ANK3: variants seen among roughly 807,000 people sequenced by gnomAD.
The protein encoded by ANK3 is ankyrin-3.
ANK3 carries 57 observed loss-of-function variants against 370.9 expected under a neutral mutation model. That is an observed-to-expected ratio of 0.15 (90% CI 0.12 to 0.19). The LOEUF is 0.19. Ranked by LOEUF, ANK3 falls within the 10% of genes least tolerant of loss-of-function variation. The pLI is 1.00. For synonymous variants in ANK3, 1,929 were observed against 1,946.3 expected, an observed-to-expected ratio of 0.99 and a Z score of 0.23; for missense variants, 4,439 against 5,302.1, an observed-to-expected ratio of 0.84 and a Z score of 5.06.
chr10:60,341,701 A>G (rs1212276400), intron 1 of ANK3, among the ~76,000 whole-genome samples: 1 of 152,152 alleles, frequency 6.6e-6, no homozygotes, highest in African/African-American at 2.4e-5. Flanking sequence ...TGTGTTTGGC[A>G]TAGTGCTTTA....
At chr10:60,368,515 A>G (rs2059697190) in intron 1 of ANK3, among the ~76,000 whole-genome samples, 1 of 152,194 alleles carries the variant, frequency 6.6e-6, no homozygotes, top group Admixed American at 6.5e-5. Flanking sequence ...TGTATTGATC[A>G]TCTACGCCCT....
chr10:60,349,659 C>T (rs900539012), intron 1 of ANK3, among the ~76,000 whole-genome samples: 20 of 152,108 alleles, frequency 1.3e-4, no homozygotes, highest in Admixed American at 3.3e-4. Context: ...GCCACATGAA[C>T]CCTAATTCTT....
rs959581073 is a variant in ANK3, at chr10:60,099,038, A to G, written c.3328+6867T>C. 9.2e-5 allele frequency among the ~76,000 whole-genome samples: 14 copies of G among 152,316 alleles called. No homozygotes were observed. The East Asian group carries it at 2.5e-3, about 27-fold the overall frequency. On this transcript the variant is annotated intron_variant, in intron 28 of 43. Transcript: ENST00000280772. ...GTGCTTATGAGATATTACTTTAAAA[A>G]TCAGGGACAAATGTGACCATTTTTT...
At position 60,281,823 on chromosome 10, in the gene ANK3, C is replaced by G. The variant is rs2098167746; in HGVS notation, c.115-2184G>C. Among the ~76,000 whole-genome samples the G allele has an allele frequency of 2.0e-5, 3 of 152,120 alleles. No homozygotes were observed. The South Asian group carries it at 6.2e-4, about 32-fold the overall frequency. On this transcript the variant is annotated intron_variant, in intron 1 of 43. Transcript: ENST00000280772. ...CGAGTCAGGTGTCTGAGAGCACACA[C>G]AGCTATTACTTAAAATAACATAAAA...
At chr10:60,262,990 G>A (rs1299975777) in intron 6 of ANK3, among the ~76,000 whole-genome samples, 1 of 152,152 alleles carries the variant, frequency 6.6e-6, no homozygotes, top group Non-Finnish European at 1.5e-5. Flanking sequence ...GGAGAGGAGG[G>A]ATTGGGGATA....
chr10:60,076,022 A>G lies in ANK3; in HGVS notation c.4859T>C (p.Phe1620Ser). The change falls in exon 37 of 44, where the codon TTT (phenylalanine) becomes TCT (serine). Residue 1620 changes from phenylalanine to serine, a missense_variant. By Grantham distance (155) the Phe-to-Ser change is radical. Around this residue, in one of 13 missense-constraint regions of ANK3, gnomAD observed 679 missense variants for 791.0 expected, o/e 0.86. Coordinates refer to ENST00000280772, the MANE Select transcript of ANK3 (RefSeq NM_020987.5). Reference sequence around the variant, plus strand: ...AGTCACTGGAGAGGTTCGAGAGGAAAACGTAGAATTGGATGCCAGCCCTTT... The same window carrying G: ...AGTCACTGGAGAGGTTCGAGAGGAAGACGTAGAATTGGATGCCAGCCCTTT... ...PLKGLASNST[F>S]SSRTSPVTTA... 6.2e-7 allele frequency: 1 copy of G among 1,614,192 alleles called. No individual in the cohort carries two copies. Among genetic ancestry groups the G allele is most frequent in the Non-Finnish European group, 8.5e-7 (1 of 1,180,016 alleles).
intron 2 of ANK3, among the ~76,000 whole-genome samples, chr10:60,553,535 C>T (rs1423204323): frequency 1.3e-5 from 2 of 152,088 alleles, no homozygotes; most frequent in African/African-American, 4.8e-5. Flanking sequence ...ACCTGAGCTG[C>T]TCAGGTGTTA....
In ANK3 at chr10:60,389,502, C is replaced by T. The variant is rs981773418; in HGVS notation, c.37G>A (p.Asp13Asn). The T allele has an allele frequency of 6.2e-7, 1 of 1,613,848 alleles. No homozygotes were observed. Among genetic ancestry groups the T allele is most frequent in the South Asian group, 1.1e-5 (1 of 91,062 alleles). The change falls in exon 1 of 44, where the codon GAT becomes AAT. Residue 13 changes from aspartate to asparagine, a missense_variant. Coordinates refer to ENST00000280772, the MANE Select transcript of ANK3 (RefSeq NM_020987.5). ...TCTTCTTCAGCATTGATTTCTAAAT[C>T]CCTGTTTTTCTTTAATTGTGAGGCT... ...HAASQLKKNR[D>N]LEINAEEEPE...
intron 8 of ANK3, among the ~76,000 whole-genome samples, chr10:60,231,849 C>T (rs1019489495): frequency 6.6e-6 from 1 of 152,156 alleles, no homozygotes; most frequent in Non-Finnish European, 1.5e-5. Flanking sequence ...CTCTGGTTCT[C>T]CATGTCTTTC....
chr10:60,227,161 T>A (rs2097176560), intron 8 of ANK3, among the ~76,000 whole-genome samples: 1 of 151,984 alleles, frequency 6.6e-6, no homozygotes, highest in African/African-American at 2.4e-5. Flanking sequence ...TAAATATAAT[T>A]TTTAGTAGAT....
At chr10:60,723,335 A>T (rs2079891498) in intron 1 of ANK3, among the ~76,000 whole-genome samples, 1 of 152,240 alleles carries the variant, frequency 6.6e-6, no homozygotes, top group South Asian at 2.1e-4. Flanking sequence ...GAGAAAACCA[A>T]AACATAGCAT....
At chr10:60,635,699 G>C (rs10994442) in intron 1 of ANK3, among the ~76,000 whole-genome samples, 15,341 of 103,234 alleles carry the variant, frequency 0.15, 1,148 homozygotes, top group South Asian at 0.3. Context: ...CTTAAACCCT[G>C]GATATTACAA....
At chr10:60,383,212 A>G (rs2061785315) in intron 1 of ANK3, among the ~76,000 whole-genome samples, 1 of 152,072 alleles carries the variant, frequency 6.6e-6, no homozygotes, top group African/African-American at 2.4e-5. Flanking sequence ...AACACTAAAT[A>G]CTCACACTAT....
At chr10:60,622,617 C>A (rs886322944) in intron 1 of ANK3, among the ~76,000 whole-genome samples, 6 of 152,140 alleles carry the variant, frequency 3.9e-5, no homozygotes, top group East Asian at 1.9e-4. Context: ...CACTGTATCT[C>A]TTGTACCTGA....
At chr10:60,050,819 T>C (rs1401056437) in intron 42 of ANK3, 1 of 152,092 alleles carries the variant, frequency 6.6e-6, no homozygotes, top group Admixed American at 6.5e-5. Flanking sequence ...GAATTCTATT[T>C]TCCTTTTTTT....
At chr10:60,662,656 C>T (rs183306158) in intron 1 of ANK3, among the ~76,000 whole-genome samples, 2 of 152,216 alleles carry the variant, frequency 1.3e-5, no homozygotes, top group Non-Finnish European at 2.9e-5. Flanking sequence ...AGAACAAATA[C>T]CATTATCAAT....
At chr10:60,329,894 G>T (rs2050797870) in intron 1 of ANK3, among the ~76,000 whole-genome samples, 2 of 152,092 alleles carry the variant, frequency 1.3e-5, no homozygotes, top group Admixed American at 6.5e-5. Context: ...TATACTACAA[G>T]GCTACAGTAA....
intron 2 of ANK3, among the ~76,000 whole-genome samples, chr10:60,413,228 A>G (rs1391692644): frequency 1.3e-5 from 2 of 152,264 alleles, no homozygotes; most frequent in East Asian, 3.8e-4. Flanking sequence ...TATTAAGTTC[A>G]TAAAAGAAGT....
chr10:60,202,918 A>C (rs2096707263), intron 12 of ANK3, 84 bp downstream of exon 12: 1 of 933,994 alleles, frequency 1.1e-6, no homozygotes, highest in African/African-American at 1.7e-5. Flanking sequence ...TAAAAAAATA[A>C]AAAATAAAAA....
Sources: gnomAD v4.1 joint callset for allele counts (sites outside exome capture counted in the v4.1 genomes callset) on GRCh38, gnomAD v4.1.1 for gene constraint, gnomAD v4.1.1 regional missense constraint, MANE v1.5 for transcripts, NCBI Gene and HGNC (gene_info 2026-07-23, HGNC 2026-07-21) for gene names.